The following IPMK variants were observed in gnomAD, a reference collection of about 807,000 sequenced individuals.
IPMK encodes inositol 1,3,4,6-tetrakisphosphate 5-kinase.
In IPMK, 17 loss-of-function variants were observed where a neutral mutation model predicts 45.8. The observed-to-expected ratio is 0.37, with a 90% CI of 0.25 to 0.56. The LOEUF (loss-of-function observed/expected upper bound fraction) is 0.56. Among genes scored for constraint, IPMK ranks in the 20% least tolerant of loss-of-function variants. The pLI is 0.79. For missense variants in IPMK, 399 were observed against 498.0 expected, an observed-to-expected ratio of 0.80 and a Z score of 1.89; for synonymous variants, 180 against 184.3, an observed-to-expected ratio of 0.98 and a Z score of 0.19.
At chr10:58,229,746 T>C (rs1274670319) in intron 2 of IPMK, among the ~76,000 whole-genome samples, 3 of 152,006 alleles carry the variant, frequency 2.0e-5, no homozygotes, top group African/African-American at 4.8e-5. Flanking sequence ...GATGGTCGAA[T>C]AGGAACAGCT....
intron 1 of IPMK, among the ~76,000 whole-genome samples, chr10:58,250,519 T>C (rs898042730): frequency 2.6e-5 from 4 of 152,188 alleles, no homozygotes; most frequent in African/African-American, 7.2e-5. Flanking sequence ...TTTTTGTATG[T>C]TGACTTTGTA....
chr10:58,238,508 A>G (rs1245538558), intron 1 of IPMK, among the ~76,000 whole-genome samples: 1 of 152,242 alleles, frequency 6.6e-6, no homozygotes, highest in African/African-American at 2.4e-5. Context: ...CCAAATTTAT[A>G]CGTCAAAATC....
intron 5 of IPMK, among the ~76,000 whole-genome samples, chr10:58,198,915 C>G (rs890502293): frequency 6.6e-6 from 1 of 151,934 alleles, no homozygotes; most frequent in Non-Finnish European, 1.5e-5. Context: ...TGATCTATAA[C>G]GTTTACTTAC....
At chr10:58,234,986 C>T (rs9416685) in intron 2 of IPMK, among the ~76,000 whole-genome samples, 51,399 of 151,890 alleles carry the variant, frequency 0.34, 10,923 homozygotes, top group African/African-American at 0.61. Context: ...AACAAACAAC[C>T]CCATCAAAAA....
chr10:58,192,652 T>C lies in IPMK; in HGVS notation c.*3424A>G, dbSNP rs1393466583. 6.6e-6 allele frequency: 1 copy of C among 151,946 alleles called. No homozygotes were observed. Among genetic ancestry groups the C allele is most frequent in the Non-Finnish European group, 1.5e-5 (1 of 67,894 alleles). The allele number at this position is 151,946 out of a possible 1,614,324, so 9.4% of individuals were successfully genotyped here. The stretch of plus-strand genomic sequence containing the variant: ...GCCTTATCCGTTTGGTTCACAGTTG[T>C]AATACTGGGGGCTAAAAATGCTTAA... On this transcript the variant is annotated 3_prime_UTR_variant, in exon 6 of 6. Coordinates refer to ENST00000373935, the MANE Select transcript of IPMK (RefSeq NM_152230.5).
chr10:58,208,556 A>C (rs191977826), intron 4 of IPMK, among the ~76,000 whole-genome samples: 1 of 151,978 alleles, frequency 6.6e-6, no homozygotes, highest in African/African-American at 2.4e-5. Flanking sequence ...TGTTCATTTT[A>C]GTCTAAACTG....
At chr10:58,201,587 T>A (rs1837999253) in intron 4 of IPMK, among the ~76,000 whole-genome samples, 1 of 152,180 alleles carries the variant, frequency 6.6e-6, no homozygotes, top group Admixed American at 6.5e-5. Context: ...AATATTGAAA[T>A]TAGGCCAATT....
intron 1 of IPMK, among the ~76,000 whole-genome samples, chr10:58,250,578 G>GGAGTCTTTA (rs1490866266): frequency 1.3e-5 from 2 of 152,070 alleles, no homozygotes; most frequent in Non-Finnish European, 2.9e-5. Flanking sequence ...GTATTTTGGT[G>GGAGTCTTTA]GAGTCTTTAG....
At chr10:58,241,719 ACT>A (rs1588966753) in intron 1 of IPMK, among the ~76,000 whole-genome samples, 5 of 151,780 alleles carry the variant, frequency 3.3e-5, no homozygotes, top group Middle Eastern at 3.4e-3. Flanking sequence ...CAGACAGCTA[ACT>A]CTCTAGTGCC....
intron 5 of IPMK, among the ~76,000 whole-genome samples, chr10:58,198,369 T>TA (rs1265161557): frequency 1.2e-4 from 18 of 152,214 alleles, no homozygotes; most frequent in Admixed American, 1.2e-3. Flanking sequence ...TAGGTATATA[T>TA]AATTTGATTT....
At chr10:58,259,206 C>T (rs1839018990) in intron 1 of IPMK, among the ~76,000 whole-genome samples, 1 of 152,114 alleles carries the variant, frequency 6.6e-6, no homozygotes, top group African/African-American at 2.4e-5. Context: ...ATACCATTTA[C>T]CCCTAAAGGA....
At chr10:58,209,623 A>C (rs1258610762) in intron 4 of IPMK, among the ~76,000 whole-genome samples, 2 of 152,182 alleles carry the variant, frequency 1.3e-5, no homozygotes, top group Non-Finnish European at 2.9e-5. Context: ...CCAGTCATGG[A>C]TAACAGCACC....
chr10:58,194,050 C>T lies in IPMK; in HGVS notation c.*2026G>A, dbSNP rs1253110097. ...GATCTATTGTATCAAAAAGGTAAGA[C>T]ATTGATTTTACAAAATTGTATTTCC... On this transcript the variant is annotated 3_prime_UTR_variant, in exon 6 of 6. Coordinates refer to ENST00000373935, the MANE Select transcript of IPMK (RefSeq NM_152230.5). 6.6e-6 allele frequency: 1 copy of T among 151,722 alleles called. No individual in the cohort carries two copies. The highest frequency in any genetic ancestry group is 1.5e-5 in the Non-Finnish European group (1 of 67,688). 9.4% of individuals were successfully genotyped at this position (151,722 alleles called of 1,614,324 possible).
chr10:58,197,670 G>GAAAAA (rs10617632), intron 5 of IPMK, among the ~76,000 whole-genome samples: 7 of 129,932 alleles, frequency 5.4e-5, no homozygotes, highest in Non-Finnish European at 1.0e-4. Flanking sequence ...GAAAAGAAAA[G>GAAAAA]AAAAAAAAAA....
rs1240545633 is a variant in IPMK, at chr10:58,267,553, C to T, written c.59G>A (p.Arg20Gln). The T allele has an allele frequency of 1.9e-6, 3 of 1,610,864 alleles. No individual in the cohort carries two copies. In the African/African-American group the frequency reaches 4.0e-5, roughly 22 times the overall value. ...GGTGGACTCGATCGCCGGTGAGGTC[C>T]GCATTTCTGGGGGGCCCGGCGCCTC... ...RVEAPGPPEM[R>Q]TSPAIESTPE... The change falls in exon 1 of 6, where the codon CGG becomes CAG. Residue 20 changes from arginine (R) to glutamine (Q), a missense_variant. Arg to Gln is a conservative substitution (Grantham distance 43). Transcript: ENST00000373935.
intron 2 of IPMK, 47 bp downstream of exon 2, chr10:58,237,682 T>A: frequency 7.1e-7 from 1 of 1,415,960 alleles, no homozygotes; most frequent in Non-Finnish European, 1.0e-6. Flanking sequence ...ACCAGAAAAC[T>A]CTGAAAAACA....
chr10:58,241,267 T>C (rs1247079900), intron 1 of IPMK, among the ~76,000 whole-genome samples: 1 of 152,032 alleles, frequency 6.6e-6, no homozygotes, highest in African/African-American at 2.4e-5. Context: ...CTACCTAACA[T>C]TGAATCTGGG....
At chr10:58,244,500 C>T (rs1189610801) in intron 1 of IPMK, among the ~76,000 whole-genome samples, 2 of 151,336 alleles carry the variant, frequency 1.3e-5, no homozygotes. Flanking sequence ...GCGCCTCTGC[C>T]AGGCCGTCCC....
chr10:58,247,667 A>T (rs1299078286), intron 1 of IPMK, among the ~76,000 whole-genome samples: 2 of 152,030 alleles, frequency 1.3e-5, no homozygotes. Flanking sequence ...GGGTGGGAGG[A>T]GGGGTGAGGG....
Sources: allele counts gnomAD v4.1 joint callset (sites outside exome capture counted in the v4.1 genomes callset), GRCh38; gene constraint gnomAD v4.1.1; transcripts MANE v1.5; gene names NCBI Gene and HGNC (gene_info 2026-07-23, HGNC 2026-07-21).